The following BBS9 variants were observed in gnomAD, a reference collection of about 807,000 sequenced individuals.
The protein encoded by BBS9 is Bardet-Biedl syndrome 9.
In BBS9, 89 loss-of-function variants were observed where a neutral mutation model predicts 117.7. That is an observed-to-expected ratio of 0.76 (90% CI 0.64 to 0.90). The LOEUF is 0.90. Ranked by LOEUF, BBS9 falls within the 40% of genes least tolerant of loss-of-function variation. The probability of loss-of-function intolerance (pLI) is 0.00; values close to 1 mark genes in which losing one functional copy is unlikely to be tolerated. For missense variants in BBS9, 982 were observed against 1,042.2 expected, an observed-to-expected ratio of 0.94 and a Z score of 0.80; for synonymous variants, 379 against 370.9, an observed-to-expected ratio of 1.02 and a Z score of -0.25.
intron 2 of BBS9, among the ~76,000 whole-genome samples, chr7:33,151,623 C>A (rs1793334372): frequency 1.3e-5 from 2 of 151,978 alleles, no homozygotes; most frequent in South Asian, 4.2e-4. Context: ...TGTCTCGGCT[C>A]AATGCAGCCT....
intron 4 of BBS9, among the ~76,000 whole-genome samples, chr7:33,161,633 C>A (rs1346755981): frequency 1.3e-5 from 2 of 152,172 alleles, no homozygotes; most frequent in African/African-American, 2.4e-5. Flanking sequence ...TGGGTGTATA[C>A]CCAGTAATGG....
intron 20 of BBS9, among the ~76,000 whole-genome samples, chr7:33,509,496 C>T (rs1585065338): frequency 6.6e-6 from 1 of 152,104 alleles, no homozygotes; most frequent in East Asian, 1.9e-4. Flanking sequence ...TATTATGATA[C>T]CACAAAAATC....
chr7:33,365,008 G>A (rs571919775), intron 16 of BBS9, among the ~76,000 whole-genome samples: 4 of 151,668 alleles, frequency 2.6e-5, no homozygotes, highest in African/African-American at 7.3e-5. Flanking sequence ...GACTTACTGC[G>A]CCCAGCTGTT....
chr7:33,291,278 A>T (rs1202701926), intron 9 of BBS9, among the ~76,000 whole-genome samples: 4 of 152,024 alleles, frequency 2.6e-5, no homozygotes, highest in African/African-American at 9.7e-5. Flanking sequence ...TTTATTCCTT[A>T]GTTAGTGTCT....
In BBS9 at chr7:33,445,505, A is replaced by G. The variant is rs74348230; in HGVS notation, c.2115+57361A>G. ...ATGTTGATGCATAAAGTTAAATTTT[A>G]TAATAAGACCTCAGTGACCAGATTG... On this transcript the variant is annotated intron_variant, in intron 19 of 22. Coordinates refer to ENST00000242067, the MANE Select transcript of BBS9 (RefSeq NM_198428.3). Among the ~76,000 whole-genome samples the G allele has an allele frequency of 1.5e-3, 234 of 152,354 alleles. 2 individuals are homozygous for G. The highest frequency in any genetic ancestry group is 6.8e-3 in the Middle Eastern group (2 of 294).
intron 4 of BBS9, among the ~76,000 whole-genome samples, chr7:33,167,283 G>T (rs1053212589): frequency 6.6e-6 from 1 of 151,648 alleles, no homozygotes; most frequent in Non-Finnish European, 1.5e-5. Flanking sequence ...AACAATTTCA[G>T]TACTGTCTGG....
intron 19 of BBS9, among the ~76,000 whole-genome samples, chr7:33,444,746 C>G (rs1241524917): frequency 6.6e-6 from 1 of 152,188 alleles, no homozygotes; most frequent in Non-Finnish European, 1.5e-5. Context: ...GGGAGGTCAA[C>G]TAACTGCTTT....
At chr7:33,506,954 A>C (rs1220042154) in intron 20 of BBS9, among the ~76,000 whole-genome samples, 1 of 152,202 alleles carries the variant, frequency 6.6e-6, no homozygotes, top group Non-Finnish European at 1.5e-5. Flanking sequence ...TTATGAACTC[A>C]GATTTAGTAG....
chr7:33,453,903 G>A (rs1838262478), intron 19 of BBS9, among the ~76,000 whole-genome samples: 1 of 152,184 alleles, frequency 6.6e-6, no homozygotes, highest in Non-Finnish European at 1.5e-5. Flanking sequence ...GACTGTTTAT[G>A]TTATTGGGAA....
intron 9 of BBS9, among the ~76,000 whole-genome samples, chr7:33,274,836 AT>A (rs1800443025): frequency 5.3e-5 from 8 of 152,048 alleles, no homozygotes; most frequent in Admixed American, 5.2e-4. Context: ...CTCTACTAAA[AT>A]ACAAAAAATT....
intron 16 of BBS9, among the ~76,000 whole-genome samples, chr7:33,367,533 A>T (rs1822012345): frequency 6.6e-6 from 1 of 152,172 alleles, no homozygotes; most frequent in African/African-American, 2.4e-5. Flanking sequence ...TCATATGTGG[A>T]ATCAACCATT....
intron 1 of BBS9, among the ~76,000 whole-genome samples, chr7:33,145,804 G>C (rs1014903514): frequency 6.6e-6 from 1 of 152,170 alleles, no homozygotes; most frequent in Non-Finnish European, 1.5e-5. Context: ...TTTTTCATCT[G>C]TGGGGTCTTG....
chr7:33,575,932 A>G (rs746719590), intron 21 of BBS9, among the ~76,000 whole-genome samples: 6 of 152,182 alleles, frequency 3.9e-5, no homozygotes, highest in African/African-American at 1.4e-4. Context: ...ATTTATGACA[A>G]TCCCACAGCC....
intron 4 of BBS9, among the ~76,000 whole-genome samples, chr7:33,159,708 A>G (rs1469411632): frequency 6.6e-6 from 1 of 152,220 alleles, no homozygotes; most frequent in Non-Finnish European, 1.5e-5. Context: ...CAGTGCCCTC[A>G]TGGTCACACA....
chr7:33,430,680 A>G (rs4723287), intron 19 of BBS9, among the ~76,000 whole-genome samples: 26,398 of 152,216 alleles, frequency 0.17, 2,523 homozygotes, highest in South Asian at 0.21. Context: ...TGGATTTAAA[A>G]TATGATAAAA....
chr7:33,449,735 A>G (rs1267609296), intron 19 of BBS9, among the ~76,000 whole-genome samples: 1 of 152,320 alleles, frequency 6.6e-6, no homozygotes, highest in East Asian at 1.9e-4. Context: ...GAACTCAACC[A>G]ACTGTATTTC....
intron 20 of BBS9, among the ~76,000 whole-genome samples, chr7:33,521,305 A>C (rs1585107025): frequency 6.6e-6 from 1 of 152,208 alleles, no homozygotes; most frequent in African/African-American, 2.4e-5. Context: ...CTTGCACTGC[A>C]GCCGAACCTT....
intron 4 of BBS9, among the ~76,000 whole-genome samples, chr7:33,176,646 A>T (rs771308022): frequency 6.6e-6 from 1 of 152,210 alleles, no homozygotes; most frequent in Non-Finnish European, 1.5e-5. Context: ...ATATTTTTAG[A>T]TATTTTTAGT....
At chr7:33,188,130 A>AGG (rs1783463063) in intron 5 of BBS9, among the ~76,000 whole-genome samples, 1 of 716 alleles carries the variant, frequency 1.4e-3, no homozygotes, top group Non-Finnish European at 3.3e-3. Flanking sequence ...GGGGTGGGGT[A>AGG]GGGTGGGGGG....
Sources: gnomAD v4.1 joint callset for allele counts (sites outside exome capture counted in the v4.1 genomes callset) on GRCh38, gnomAD v4.1.1 for gene constraint, MANE v1.5 for transcripts, NCBI Gene and HGNC (gene_info 2026-07-23, HGNC 2026-07-21) for gene names.